The following MASP1 variants were observed in gnomAD, a reference collection of about 807,000 sequenced individuals.
MASP1 encodes the protein MBL associated serine protease 1, also known as mannan-binding lectin serine protease 1.
In MASP1, 59 loss-of-function variants were observed where a neutral mutation model predicts 77.1. That is an observed-to-expected ratio of 0.77 (90% CI 0.62 to 0.95). MASP1 has a LOEUF of 0.95. Ranked by LOEUF, MASP1 falls within the 40% of genes least tolerant of loss-of-function variation. MASP1 has a pLI of 0.00. For missense variants in MASP1, 885 were observed against 912.9 expected (o/e 0.97, Z 0.39); for synonymous variants, 362 against 354.5 (o/e 1.02, Z -0.24).
intron 1 of MASP1, among the ~76,000 whole-genome samples, chr3:187,289,639 G>C (rs1313145085): frequency 6.6e-6 from 1 of 152,182 alleles, no homozygotes; most frequent in Non-Finnish European, 1.5e-5. Flanking sequence ...GGTGAGGCCT[G>C]AGCACTGGCA....
chr3:187,229,194 C>A (rs1215246992), downstream of MASP1, among the ~76,000 whole-genome samples: 1 of 152,198 alleles, frequency 6.6e-6, no homozygotes, highest in Non-Finnish European at 1.5e-5. Flanking sequence ...CACCCACATT[C>A]CATTACAAAG....
intron 1 of MASP1, among the ~76,000 whole-genome samples, chr3:187,290,140 G>A (rs75894221): frequency 7.5e-4 from 114 of 152,294 alleles, no homozygotes; most frequent in Middle Eastern, 3.4e-3. Context: ...ACTTGTAAGG[G>A]GAGGTGGACA....
intron 8 of MASP1, chr3:187,246,250 C>A (rs143258239): frequency 2.9e-6 from 1 of 346,556 alleles, no homozygotes; most frequent in Non-Finnish European, 4.1e-6. Flanking sequence ...TGGAATATAT[C>A]TAATGTTGTC....
intron 1 of MASP1, 40 bp from the exon 2 acceptor site, chr3:187,286,096 A>G (rs1046427220): frequency 8.1e-6 from 12 of 1,478,792 alleles, no homozygotes; most frequent in Non-Finnish European, 9.4e-6. Context: ...ATTTATAAAC[A>G]CAGGCCCCTG....
intron 6 of MASP1, among the ~76,000 whole-genome samples, chr3:187,252,609 C>A (rs1042930883): frequency 6.6e-6 from 1 of 152,202 alleles, no homozygotes; most frequent in Admixed American, 6.5e-5. Flanking sequence ...TCTTTTGTCA[C>A]TGATGTTCAC....
At chr3:187,239,118 G>A (rs759551002) in intron 10 of MASP1, among the ~76,000 whole-genome samples, 33 of 151,690 alleles carry the variant, frequency 2.2e-4, no homozygotes, top group Non-Finnish European at 4.4e-4. Context: ...TGAGGTGGGC[G>A]GATCACCTGA....
At chr3:187,272,175 A>AAGAGTTTCTTAGTC (rs1716579945) in intron 2 of MASP1, among the ~76,000 whole-genome samples, 1 of 152,130 alleles carries the variant, frequency 6.6e-6, no homozygotes, top group African/African-American at 2.4e-5. Flanking sequence ...AGGGAGAGAG[A>AAGAGTTTCTTAGTC]CAGAAAAAGA....
At chr3:187,226,535 A>G (rs778481556) in intron 11 of MASP1, 1 of 1,572,504 alleles carries the variant, frequency 6.4e-7, no homozygotes, top group South Asian at 1.1e-5. Context: ...GGAACAGAAC[A>G]CACGTCTCAT....
At chr3:187,272,676 C>T (rs558461401) in intron 2 of MASP1, among the ~76,000 whole-genome samples, 3 of 152,172 alleles carry the variant, frequency 2.0e-5, no homozygotes, top group Admixed American at 6.5e-5. Context: ...AAAGACGGCC[C>T]GCCTACAACT....
chr3:187,218,246 C>A (rs939163680), exon 16 of MASP1: 1 of 152,184 alleles, frequency 6.6e-6, no homozygotes, highest in Non-Finnish European at 1.5e-5. Flanking sequence ...TCATGTCTCC[C>A]AATAGGAGCT....
In MASP1 at chr3:187,283,586, C is replaced by A. The variant is rs142321526; in HGVS notation, c.237+2239G>T. Reference sequence around the variant, plus strand: ...GGCAAATTATGAGAAGAAGTCATCCCTACAACTGAGCAAAAAAATTCTATA... The same window carrying A: ...GGCAAATTATGAGAAGAAGTCATCCATACAACTGAGCAAAAAAATTCTATA... On this transcript the variant is annotated intron_variant, in intron 2 of 10. Coordinates refer to ENST00000296280, the MANE Select transcript of MASP1 (RefSeq NM_139125.4). 6.0e-4 allele frequency among the ~76,000 whole-genome samples: 91 copies of A among 152,252 alleles called. 2 individuals are homozygous for A. In the East Asian group the frequency reaches 0.016, roughly 27 times the overall value.
At chr3:187,238,301 G>A (rs1189496997) in intron 10 of MASP1, among the ~76,000 whole-genome samples, 2 of 152,208 alleles carry the variant, frequency 1.3e-5, no homozygotes, top group African/African-American at 2.4e-5. Context: ...TTCAGAGAAG[G>A]CAAGTGACTT....
intron 2 of MASP1, among the ~76,000 whole-genome samples, chr3:187,283,013 G>A (rs1373013172): frequency 1.3e-5 from 2 of 152,198 alleles, no homozygotes; most frequent in Non-Finnish European, 2.9e-5. Context: ...GGAGCAGAGA[G>A]GGTGCTGTAA....
intron 15 of MASP1, chr3:187,220,407 T>G: frequency 3.1e-6 from 2 of 654,800 alleles, no homozygotes; most frequent in Admixed American, 2.8e-5. Context: ...TGGGCAGTTC[T>G]AGGTCAGGCC....
chr3:187,224,388 C>T (rs899341877), intron 13 of MASP1, among the ~76,000 whole-genome samples: 1 of 147,182 alleles, frequency 6.8e-6, no homozygotes, highest in Non-Finnish European at 1.5e-5. Flanking sequence ...GCTCTGTCGC[C>T]CAGGCTGGAG....
intron 6 of MASP1, among the ~76,000 whole-genome samples, chr3:187,252,413 T>C (rs368453691): frequency 1.3e-5 from 2 of 152,164 alleles, no homozygotes; most frequent in African/African-American, 4.8e-5. Flanking sequence ...TGCCTCTGAG[T>C]CCTCTCCTTG....
At chr3:187,241,840 C>G (rs909279217) in intron 9 of MASP1, 4 of 361,106 alleles carry the variant, frequency 1.1e-5, no homozygotes, top group African/African-American at 8.4e-5. Flanking sequence ...ATCAAACTCC[C>G]TTTGCAACAT....
At position 187,225,355 on chromosome 3, in the gene MASP1, GGGCAT is replaced by G. The variant is rs1435440749; in HGVS notation, c.1705_1709del (p.Met569HisfsTer5). 4.3e-6 allele frequency: 7 copies of G among 1,613,648 alleles called. No homozygotes were observed. The highest frequency in any genetic ancestry group is 5.9e-6 in the Non-Finnish European group (7 of 1,180,036). The stretch of plus-strand genomic sequence containing the variant: ...GCTGGGGTCCCTCAGGCAGACAGAT[GGGCAT>G]CACGAAGGCATTCAGCACTGGGCTC... On this transcript the variant is annotated frameshift_variant, in exon 13 of 16. Coordinates refer to the MASP1 transcript ENST00000337774. LOFTEE classifies it high-confidence loss of function.
chr3:187,258,797 T>C lies in MASP1; in HGVS notation c.548-1937A>G, dbSNP rs138707489. Among the ~76,000 whole-genome samples, 78 of 152,358 alleles carry C rather than the reference T, an allele frequency of 5.1e-4. No homozygotes were observed. In the East Asian group the frequency reaches 0.014, roughly 27 times the overall value. On this transcript the variant is annotated intron_variant, in intron 4 of 10. Coordinates refer to ENST00000296280, the MANE Select transcript of MASP1 (RefSeq NM_139125.4). Reference sequence around the variant, plus strand: ...CCAAGCTGTAAGTAATTTGGCTGTTTCTGTACCTGACTTCCATTTTCTGTC... The same window carrying C: ...CCAAGCTGTAAGTAATTTGGCTGTTCCTGTACCTGACTTCCATTTTCTGTC...
Sources: allele counts gnomAD v4.1 joint callset (sites outside exome capture counted in the v4.1 genomes callset), GRCh38; gene constraint gnomAD v4.1.1; transcripts MANE v1.5; gene names NCBI Gene and HGNC (gene_info 2026-07-23, HGNC 2026-07-21).